H2BC5: variants seen among roughly 807,000 people sequenced by gnomAD.
H2BC5 encodes the protein histone H2B type 1-D.
In H2BC5, 9 loss-of-function variants were observed where a neutral mutation model predicts 5.7. The observed-to-expected ratio is 1.57, with a 90% CI of 0.95 to 2.74. H2BC5 has a LOEUF of 2.74. H2BC5 is among the 30% of genes most tolerant of loss of function. H2BC5 has a pLI of 0.00. For synonymous variants in H2BC5, 133 were observed against 70.9 expected (o/e 1.88, Z -4.40); for missense variants, 175 against 168.8 (o/e 1.04, Z -0.20).
intron 1 of H2BC5, among the ~76,000 whole-genome samples, chr6:26,167,146 G>T (rs900736756): frequency 7.5e-6 from 1 of 133,814 alleles, no homozygotes; most frequent in South Asian, 2.5e-4. Flanking sequence ...ATTTAGGACC[G>T]ATGTATCTGT....
At position 26,158,543 on chromosome 6, in the gene H2BC5, C is replaced by G. The variant is rs1378116292; in HGVS notation, c.374C>G (p.Ser125Cys). 8.1e-6 allele frequency: 13 copies of G among 1,614,150 alleles called. No homozygotes were observed. The highest frequency in any genetic ancestry group is 3.3e-5 in the South Asian group (3 of 91,080). Residue 125 changes from serine (S) to cysteine (C), a missense_variant, in exon 1 of 1, where the codon TCC becomes TGC. Coordinates refer to ENST00000377777, the MANE Select transcript of H2BC5 (RefSeq NM_021063.4). Reference sequence around the variant, plus strand: ...AAGGCCGTCACCAAGTACACCAGTTCCAAGTAACTTTGCCAAGTAAGCATC... The same window carrying G: ...AAGGCCGTCACCAAGTACACCAGTTGCAAGTAACTTTGCCAAGTAAGCATC... ...GTKAVTKYTS[S>C]K
At chr6:26,158,798 A>G (rs534965816), downstream of H2BC5, among the ~76,000 whole-genome samples, 5 of 152,248 alleles carry the variant, frequency 3.3e-5, no homozygotes, top group Admixed American at 2.0e-4. Flanking sequence ...TTAGTATCAC[A>G]TAACACTAGC....
chr6:26,159,132 C>CAGGGAA (rs746322415), downstream of H2BC5, among the ~76,000 whole-genome samples: 299 of 151,594 alleles, frequency 2.0e-3, 4 homozygotes, highest in Admixed American at 5.1e-3. Flanking sequence ...GCGAGTGGGG[C>CAGGGAA]AGGGAAAGGC....
intron 1 of H2BC5, among the ~76,000 whole-genome samples, chr6:26,169,689 G>T (rs1241769488): frequency 3.3e-5 from 5 of 152,042 alleles, no homozygotes; most frequent in African/African-American, 1.2e-4. Context: ...AAAAAAGGGA[G>T]GGGCCAGGTG....
chr6:26,162,014 ATATT>A (rs1318193323), downstream of H2BC5, among the ~76,000 whole-genome samples: 1 of 152,206 alleles, frequency 6.6e-6, no homozygotes. Context: ...AACAAAGTAA[ATATT>A]TAAACAGAAA....
chr6:26,164,377 T>G (rs1764390399), intron 1 of H2BC5: 2 of 240,954 alleles, frequency 8.3e-6, no homozygotes, highest in South Asian at 6.5e-5. Flanking sequence ...GGGAAAGGGA[T>G]GGGATGGGCA....
At position 26,158,248 on chromosome 6, in the gene H2BC5, G is replaced by T. The variant is rs776467875; in HGVS notation, c.79G>T (p.Gly27Trp). Reference protein sequence around the residue: ...KAVTKAQKKDGKKRKRSRKES... With the variant: ...KAVTKAQKKDWKKRKRSRKES... ...GGTGACTAAGGCTCAGAAGAAGGAC[G>T]GGAAGAAGCGCAAGCGCAGCCGCAA... Residue 27 changes from glycine (G) to tryptophan (W), a missense_variant, in exon 1 of 1, where the codon GGG becomes TGG. Around this residue, in one of 4 missense-constraint regions of H2BC5, gnomAD observed 119 missense variants for 85.6 expected, o/e 1.39. Transcript: ENST00000377777. 6.2e-7 allele frequency: 1 copy of T among 1,614,132 alleles called. No individual in the cohort carries two copies. Among genetic ancestry groups the T allele is most frequent in the African/African-American group, 1.3e-5 (1 of 74,942 alleles).
downstream of H2BC5, among the ~76,000 whole-genome samples, chr6:26,159,243 G>GTT (rs35999697): frequency 0.069 from 4,220 of 61,474 alleles, 870 homozygotes; most frequent in Non-Finnish European, 0.097. Flanking sequence ...TAATTTATAG[G>GTT]TTTTTTTTTT....
intron 1 of H2BC5, chr6:26,164,131 C>T (rs969665116): frequency 2.7e-5 from 12 of 447,734 alleles, no homozygotes; most frequent in Non-Finnish European, 5.4e-5. Flanking sequence ...GAGTAGATCC[C>T]CCCGTGGGTG....
At chr6:26,168,074 G>C (rs760411864) in intron 1 of H2BC5, among the ~76,000 whole-genome samples, 1 of 151,596 alleles carries the variant, frequency 6.6e-6, no homozygotes, top group East Asian at 1.9e-4. Flanking sequence ...AGGCCAAATT[G>C]ATTCATTTAT....
chr6:26,170,239 T>C (rs1764497831), intron 1 of H2BC5, among the ~76,000 whole-genome samples: 1 of 152,182 alleles, frequency 6.6e-6, no homozygotes, highest in Non-Finnish European at 1.5e-5. Context: ...TAGCACTATC[T>C]TACATTTGTT....
chr6:26,164,422 G>A (rs994821119), intron 1 of H2BC5: 16 of 198,788 alleles, frequency 8.0e-5, no homozygotes, highest in Non-Finnish European at 4.5e-5. Flanking sequence ...CCAGGACAGG[G>A]AACAAAAAAG....
chr6:26,158,699 C>G (rs185297573), downstream of H2BC5: 38 of 1,260,546 alleles, frequency 3.0e-5, no homozygotes, highest in Non-Finnish European at 4.3e-6. Context: ...TACGTTAGTA[C>G]TGCAGAGGAA....
chr6:26,159,004 A>G (rs561859364), downstream of H2BC5, among the ~76,000 whole-genome samples: 4 of 152,256 alleles, frequency 2.6e-5, no homozygotes, highest in South Asian at 6.2e-4. Context: ...AATTTTTACC[A>G]TGCAGATATG....
intron 1 of H2BC5, chr6:26,164,385 GC>G: frequency 4.2e-6 from 1 of 235,908 alleles, no homozygotes; most frequent in South Asian, 6.9e-5. Flanking sequence ...GATGGGATGG[GC>G]AAGAAGTGCA....
downstream of H2BC5, chr6:26,160,917 A>T (rs1336793087): frequency 6.7e-6 from 1 of 148,186 alleles, no homozygotes; most frequent in African/African-American, 2.5e-5. Context: ...TTTTGAAAAA[A>T]GAAAAAGAGG....
At chr6:26,163,757 C>G in intron 1 of H2BC5, 1 of 154,682 alleles carries the variant, frequency 6.5e-6, no homozygotes, top group South Asian at 1.9e-4. Context: ...AACTTACACA[C>G]TTCTGCCACA....
At chr6:26,162,165 G>C (rs1250316028), downstream of H2BC5, among the ~76,000 whole-genome samples, 10 of 152,136 alleles carry the variant, frequency 6.6e-5, no homozygotes, top group Non-Finnish European at 4.4e-5. Flanking sequence ...CTAAAGCACT[G>C]TTTGAAATTC....
At chr6:26,162,264 A>T (rs1764365054), downstream of H2BC5, among the ~76,000 whole-genome samples, 2 of 142,122 alleles carry the variant, frequency 1.4e-5, no homozygotes, top group Non-Finnish European at 3.2e-5. Context: ...CCTAATCAAT[A>T]GTCGACTGAC....
Sources: allele counts gnomAD v4.1 joint callset (sites outside exome capture counted in the v4.1 genomes callset), GRCh38; gene constraint gnomAD v4.1.1; regional missense constraint gnomAD v4.1.1; transcripts MANE v1.5; gene names NCBI Gene and HGNC (gene_info 2026-07-23, HGNC 2026-07-21).